MOB1B: variants seen among roughly 807,000 people sequenced by gnomAD.
MOB1B encodes MOB1 Mps One Binder homolog B.
In MOB1B, 19 loss-of-function variants were observed where a neutral mutation model predicts 24.4. The observed-to-expected ratio is 0.78, with a 90% CI of 0.54 to 1.14. MOB1B has a LOEUF of 1.14. Among genes scored for constraint, MOB1B ranks in the 50% most tolerant of loss-of-function variants. The pLI, the probability that MOB1B is intolerant of heterozygous loss-of-function variation, is 0.00. For missense variants in MOB1B, 243 were observed against 259.6 expected (o/e 0.94, Z 0.44); for synonymous variants, 76 against 82.1 (o/e 0.93, Z 0.40).
chr4:70,937,391 G>A (rs1737128000), intron 1 of MOB1B, among the ~76,000 whole-genome samples: 1 of 151,962 alleles, frequency 6.6e-6, no homozygotes, highest in Admixed American at 6.6e-5. Flanking sequence ...GTCTAAAAGA[G>A]CATTTTCAAT....
At chr4:70,913,877 A>C (rs534417993) in intron 1 of MOB1B, among the ~76,000 whole-genome samples, 1 of 150,854 alleles carries the variant, frequency 6.6e-6, no homozygotes, top group African/African-American at 2.4e-5. Flanking sequence ...ATTGCTTCTA[A>C]ATTTATTAGT....
intron 1 of MOB1B, among the ~76,000 whole-genome samples, chr4:70,957,420 CTCGCTCTCT>C (rs1738108926): frequency 6.6e-6 from 1 of 151,060 alleles, no homozygotes; most frequent in African/African-American, 2.4e-5. Flanking sequence ...TTAAAAATCG[CTCGCTCTCT>C]CTCTCTTTTT....
intron 2 of MOB1B, among the ~76,000 whole-genome samples, chr4:70,967,736 A>G (rs1738591081): frequency 6.6e-6 from 1 of 152,090 alleles, no homozygotes; most frequent in South Asian, 2.1e-4. Flanking sequence ...GAAAAAAAAT[A>G]TTAGCATCAA....
intron 5 of MOB1B, 42 bp downstream of exon 5, chr4:70,979,333 T>C: frequency 2.7e-6 from 4 of 1,501,498 alleles, no homozygotes; most frequent in Non-Finnish European, 3.7e-6. Flanking sequence ...GGGTAAGCAT[T>C]TATCTTCATA....
At chr4:70,946,084 CTTTTTTT>C (rs11331194) in intron 1 of MOB1B, among the ~76,000 whole-genome samples, 5 of 85,392 alleles carry the variant, frequency 5.9e-5, no homozygotes, top group African/African-American at 1.6e-4. Context: ...TTTGTTTGTT[CTTTTTTT>C]TTTTTTTTTT....
At chr4:70,903,131 GGGGTCCCT>G (rs1219676168) in intron 1 of MOB1B, among the ~76,000 whole-genome samples, 3 of 152,162 alleles carry the variant, frequency 2.0e-5, no homozygotes, top group Non-Finnish European at 2.9e-5. Context: ...GACACAGACG[GGGGTCCCT>G]GAGAAAGGGG....
At chr4:70,918,625 T>C (rs993596399) in intron 1 of MOB1B, among the ~76,000 whole-genome samples, 2 of 152,038 alleles carry the variant, frequency 1.3e-5, no homozygotes, top group African/African-American at 4.8e-5. Context: ...GAAAATTTTC[T>C]CCCATTTTGT....
At chr4:70,973,527 C>G (rs1350812417) in intron 3 of MOB1B, among the ~76,000 whole-genome samples, 4 of 150,302 alleles carry the variant, frequency 2.7e-5, no homozygotes, top group African/African-American at 9.8e-5. Context: ...CATTCACGGT[C>G]TCTAGCTCCT....
At chr4:70,930,797 G>T (rs1358315905) in intron 1 of MOB1B, among the ~76,000 whole-genome samples, 1 of 151,744 alleles carries the variant, frequency 6.6e-6, no homozygotes, top group Non-Finnish European at 1.5e-5. Flanking sequence ...CCCTCTGATG[G>T]TTTTCACTTA....
chr4:70,932,953 A>G (rs538768693), intron 1 of MOB1B, among the ~76,000 whole-genome samples: 7 of 152,274 alleles, frequency 4.6e-5, no homozygotes, highest in African/African-American at 1.2e-4. Flanking sequence ...TCATATATCT[A>G]TATTATTGTA....
At chr4:70,916,610 C>T (rs909206433) in intron 1 of MOB1B, among the ~76,000 whole-genome samples, 1 of 152,130 alleles carries the variant, frequency 6.6e-6, no homozygotes, top group Non-Finnish European at 1.5e-5. Context: ...CTATCTTGCC[C>T]AGGCTAGAGT....
rs1739363012 is a variant in MOB1B, at chr4:70,985,880, T to C, written c.*3823T>C. On this transcript the variant is annotated 3_prime_UTR_variant, in exon 6 of 6. Coordinates refer to ENST00000309395, the MANE Select transcript of MOB1B (RefSeq NM_173468.4). ...TTTAAATTTGGCTGTTCTCTGGAGC[T>C]AAACCATTAGGGAAGTTCAAAGGAA... 1 of 152,224 alleles carries C rather than the reference T, an allele frequency of 6.6e-6. No homozygotes were observed. Among genetic ancestry groups the C allele is most frequent in the Non-Finnish European group, 1.5e-5 (1 of 68,048 alleles). 9.4% of individuals were successfully genotyped at this position (152,224 alleles called of 1,614,324 possible). A position where few individuals can be genotyped will look rare whatever the true frequency, so the allele number is the denominator to read the frequency against.
intron 1 of MOB1B, among the ~76,000 whole-genome samples, chr4:70,929,187 T>C (rs1453487929): frequency 3.9e-4 from 57 of 147,780 alleles, no homozygotes; most frequent in Admixed American, 1.5e-3. Context: ...TCTTTCTTTT[T>C]TTTTTTTTTT....
chr4:70,941,840 A>G (rs887218894), intron 1 of MOB1B, among the ~76,000 whole-genome samples: 8 of 152,188 alleles, frequency 5.3e-5, no homozygotes, highest in African/African-American at 1.9e-4. Context: ...TTTTATCATT[A>G]TGGTAAAACT....
At chr4:70,941,606 G>C (rs1406702759) in intron 1 of MOB1B, among the ~76,000 whole-genome samples, 1 of 152,126 alleles carries the variant, frequency 6.6e-6, no homozygotes, top group Non-Finnish European at 1.5e-5. Flanking sequence ...CTCCCAAAGT[G>C]CTGGGATTAC....
At chr4:70,935,224 G>A (rs1239120146) in intron 1 of MOB1B, among the ~76,000 whole-genome samples, 1 of 152,076 alleles carries the variant, frequency 6.6e-6, no homozygotes, top group Non-Finnish European at 1.5e-5. Flanking sequence ...CCCTATGTGG[G>A]CTACAGCCTA....
intron 2 of MOB1B, among the ~76,000 whole-genome samples, chr4:70,962,176 T>C (rs1738333248): frequency 6.6e-6 from 1 of 152,152 alleles, no homozygotes. Context: ...CTGGGCAGCA[T>C]AGGGAGACCT....
chr4:70,903,846 A>T (rs1011463808), intron 1 of MOB1B, among the ~76,000 whole-genome samples: 2 of 152,106 alleles, frequency 1.3e-5, no homozygotes, highest in Non-Finnish European at 2.9e-5. Flanking sequence ...ACTTGCCTAA[A>T]ACCTTTAAAC....
intron 1 of MOB1B, among the ~76,000 whole-genome samples, chr4:70,956,005 G>C (rs369639640): frequency 6.6e-6 from 1 of 152,034 alleles, no homozygotes; most frequent in East Asian, 1.9e-4. Context: ...CCCAGTAGTT[G>C]GGACTACAGG....
Sources: allele counts gnomAD v4.1 joint callset (sites outside exome capture counted in the v4.1 genomes callset), GRCh38; gene constraint gnomAD v4.1.1; transcripts MANE v1.5; gene names NCBI Gene and HGNC (gene_info 2026-07-23, HGNC 2026-07-21).